Variants in SLC25A13 observed in about 807,000 individuals in gnomAD.
SLC25A13 encodes electrogenic aspartate/glutamate antiporter SLC25A13, mitochondrial.
In SLC25A13, 70 loss-of-function variants were observed where a neutral mutation model predicts 85.5. The observed-to-expected ratio is 0.82, with a 90% confidence interval of 0.68 to 1.00. The LOEUF (loss-of-function observed/expected upper bound fraction) is 1.00, where lower values mean the gene tolerates loss of function less well. SLC25A13 is among the 50% of genes least tolerant of loss of function. The pLI, the probability that SLC25A13 is intolerant of heterozygous loss-of-function variation, is 0.00. For missense variants in SLC25A13, 765 were observed against 819.8 expected (o/e 0.93, Z 0.82); for synonymous variants, 259 against 288.7 (o/e 0.90, Z 1.04).
At chr7:96,156,354 T>C (rs914649150) in intron 13 of SLC25A13, among the ~76,000 whole-genome samples, 1 of 152,196 alleles carries the variant, frequency 6.6e-6, no homozygotes, top group Non-Finnish European at 1.5e-5. Flanking sequence ...TGGAGTGCAG[T>C]AGTGCAAACT....
intron 4 of SLC25A13, among the ~76,000 whole-genome samples, chr7:96,221,987 G>A (rs1199292478): frequency 6.6e-6 from 1 of 152,206 alleles, no homozygotes; most frequent in Non-Finnish European, 1.5e-5. Flanking sequence ...TTTAGTGGGA[G>A]AGACACAAGA....
intron 14 of SLC25A13, among the ~76,000 whole-genome samples, chr7:96,144,123 C>T (rs1792679657): frequency 6.6e-6 from 1 of 152,144 alleles, no homozygotes; most frequent in Non-Finnish European, 1.5e-5. Flanking sequence ...GTGATGCTCC[C>T]TAGAAAGATG....
intron 6 of SLC25A13, among the ~76,000 whole-genome samples, chr7:96,191,942 T>C (rs1397248367): frequency 6.6e-6 from 1 of 152,160 alleles, no homozygotes; most frequent in Non-Finnish European, 1.5e-5. Flanking sequence ...AGACTTCAGT[T>C]TGGAGTTTCA....
chr7:96,234,625 C>T lies in SLC25A13; in HGVS notation c.328+177G>A, dbSNP rs572167975. 9.8e-4 allele frequency among the ~76,000 whole-genome samples: 149 copies of T among 151,738 alleles called. 4 individuals are homozygous for T. The South Asian group carries it at 0.02, about 20-fold the overall frequency. On this transcript the variant is annotated intron_variant, in intron 4 of 17. Transcript: ENST00000265631. ...TACTAAGCCAGAAACTTGTTTTTTTCGAATAGGAAGATGTTTGAACTGGAG... is the reference window on the plus strand; with the variant it reads ...TACTAAGCCAGAAACTTGTTTTTTTTGAATAGGAAGATGTTTGAACTGGAG...
At chr7:96,156,578 A>C (rs555476231) in intron 13 of SLC25A13, among the ~76,000 whole-genome samples, 2 of 152,250 alleles carry the variant, frequency 1.3e-5, no homozygotes, top group South Asian at 4.1e-4. Flanking sequence ...CAGCCTCCCA[A>C]GTAGCTGGGA....
chr7:96,157,867 C>T (rs1443650024), intron 13 of SLC25A13, among the ~76,000 whole-genome samples: 1 of 152,130 alleles, frequency 6.6e-6, no homozygotes, highest in Non-Finnish European at 1.5e-5. Context: ...AGAAAGGCAA[C>T]ACAATCCAGA....
At chr7:96,143,063 T>C (rs1792632448) in intron 14 of SLC25A13, among the ~76,000 whole-genome samples, 1 of 152,232 alleles carries the variant, frequency 6.6e-6, no homozygotes, top group Non-Finnish European at 1.5e-5. Flanking sequence ...TTTGTGATTA[T>C]AGAATTTGAA....
chr7:96,284,739 C>A (rs1798821671), intron 2 of SLC25A13, among the ~76,000 whole-genome samples: 3 of 152,212 alleles, frequency 2.0e-5, no homozygotes, highest in African/African-American at 2.4e-5. Context: ...TTCCCCTGCA[C>A]AAGCTCTCTT....
intron 1 of SLC25A13, among the ~76,000 whole-genome samples, chr7:96,301,152 C>T (rs1799534435): frequency 6.6e-6 from 1 of 152,192 alleles, no homozygotes; most frequent in South Asian, 2.1e-4. Flanking sequence ...TTCAGAACAG[C>T]TGTCCAGCAT....
intron 5 of SLC25A13, among the ~76,000 whole-genome samples, chr7:96,201,422 G>T (rs1329652217): frequency 6.7e-6 from 1 of 149,924 alleles, no homozygotes; most frequent in Non-Finnish European, 1.5e-5. Flanking sequence ...TGAGGCAGGA[G>T]AATCACTTGA....
chr7:96,176,363 C>G (rs768194516), intron 11 of SLC25A13, among the ~76,000 whole-genome samples: 4 of 152,188 alleles, frequency 2.6e-5, no homozygotes, highest in Non-Finnish European at 4.4e-5. Context: ...CTTGTCAAAA[C>G]AGCAGTCCAT....
intron 13 of SLC25A13, among the ~76,000 whole-genome samples, chr7:96,149,866 G>A (rs1003270285): frequency 6.6e-6 from 1 of 152,214 alleles, no homozygotes; most frequent in African/African-American, 2.4e-5. Context: ...AGAGATCAAA[G>A]ATAGCTGAAT....
chr7:96,170,711 G>A (rs912784014), intron 12 of SLC25A13, among the ~76,000 whole-genome samples: 3 of 152,112 alleles, frequency 2.0e-5, no homozygotes, highest in Non-Finnish European at 4.4e-5. Context: ...GCAGACATAG[G>A]CCAGAGAAGA....
intron 13 of SLC25A13, among the ~76,000 whole-genome samples, chr7:96,164,225 C>T (rs1208608565): frequency 2.0e-5 from 3 of 152,130 alleles, no homozygotes; most frequent in African/African-American, 7.2e-5. Context: ...CAGAACTCAC[C>T]TTCTTAAGTC....
At chr7:96,158,583 T>A (rs982938652) in intron 13 of SLC25A13, among the ~76,000 whole-genome samples, 11 of 152,352 alleles carry the variant, frequency 7.2e-5, no homozygotes, top group African/African-American at 2.4e-4. Context: ...TTAAAGTGCT[T>A]TTCACAAATG....
chr7:96,209,941 CT>C (rs1465998948), intron 4 of SLC25A13, among the ~76,000 whole-genome samples: 5 of 151,988 alleles, frequency 3.3e-5, no homozygotes, highest in East Asian at 3.9e-4. Context: ...TGCTTGATAC[CT>C]TTTTTTCTCT....
At chr7:96,242,188 A>G (rs1797023431) in intron 3 of SLC25A13, among the ~76,000 whole-genome samples, 1 of 152,212 alleles carries the variant, frequency 6.6e-6, no homozygotes, top group Non-Finnish European at 1.5e-5. Flanking sequence ...GGCAGAGATG[A>G]AAGTAAAATC....
chr7:96,236,356 A>G (rs1796743670), intron 3 of SLC25A13, among the ~76,000 whole-genome samples: 1 of 152,068 alleles, frequency 6.6e-6, no homozygotes, highest in Non-Finnish European at 1.5e-5. Context: ...TGAGTCAAGC[A>G]TTCCTGGCTG....
chr7:96,163,634 C>T (rs1022084449), intron 13 of SLC25A13, among the ~76,000 whole-genome samples: 2 of 152,138 alleles, frequency 1.3e-5, no homozygotes, highest in East Asian at 3.8e-4. Flanking sequence ...GGAGGAAAGC[C>T]TTGGAACTGG....
Sources: gnomAD v4.1 joint callset for allele counts (sites outside exome capture counted in the v4.1 genomes callset) on GRCh38, gnomAD v4.1.1 for gene constraint, MANE v1.5 for transcripts, NCBI Gene and HGNC (gene_info 2026-07-23, HGNC 2026-07-21) for gene names.